The following CELF4 variants were observed in gnomAD, a reference collection of about 807,000 sequenced individuals.
CELF4 encodes the protein CUG-BP- and ETR-3-like factor 4.
A neutral mutation model predicts 59.9 loss-of-function variants in CELF4; 18 were observed. The ratio of observed to expected loss-of-function variants is 0.30; its 90% CI spans 0.21 to 0.45. CELF4 has a LOEUF of 0.45. Ranked by LOEUF, CELF4 falls within the 20% of genes least tolerant of loss-of-function variation. The pLI is 1.00. For synonymous variants in CELF4, 261 were observed against 267.1 expected (o/e 0.98, Z 0.22); for missense variants, 456 against 689.0 (o/e 0.66, Z 3.79).
intron 2 of CELF4, among the ~76,000 whole-genome samples, chr18:37,484,413 G>A (rs1452116552): frequency 6.6e-6 from 1 of 152,172 alleles, no homozygotes; most frequent in Non-Finnish European, 1.5e-5. Context: ...TGCCAGAGCT[G>A]GGCTTCACAC....
chr18:37,404,791 C>T (rs941389643), intron 2 of CELF4, among the ~76,000 whole-genome samples: 2 of 152,130 alleles, frequency 1.3e-5, no homozygotes, highest in African/African-American at 4.8e-5. Flanking sequence ...CTCAGAAAGC[C>T]CCTCCTTCTA....
chr18:37,271,981 A>G (rs1248457717), intron 7 of CELF4, among the ~76,000 whole-genome samples: 1 of 152,206 alleles, frequency 6.6e-6, no homozygotes, highest in East Asian at 1.9e-4. Flanking sequence ...GAGGTTGGCC[A>G]CTGCCTGGGC....
rs148000981 is a variant in CELF4 at position 37,433,496 on chromosome 18, G to A, written c.369+52029C>T. Among the ~76,000 whole-genome samples, 82 of 152,342 alleles carry A rather than the reference G, an allele frequency of 5.4e-4. 2 individuals carry two copies. The highest frequency in any genetic ancestry group is 1.9e-3 in the African/African-American group (79 of 41,572). On this transcript the variant is annotated intron_variant, in intron 2 of 12. Coordinates refer to ENST00000420428, the MANE Select transcript of CELF4 (RefSeq NM_020180.4). ...CTCTGCCTCTCTGTGCCCCTACGGT[G>A]TTCAGCACAGCACAGAGCACACGGT...
chr18:37,372,999 A>G (rs1198777990), intron 2 of CELF4, among the ~76,000 whole-genome samples: 1 of 152,090 alleles, frequency 6.6e-6, no homozygotes, highest in Non-Finnish European at 1.5e-5. Flanking sequence ...AACAACCGAC[A>G]CCCTTACACT....
Position 37,490,406 on chromosome 18 carries a change from G to A in CELF4, c.287-4799C>T, listed in dbSNP as rs570092475. On this transcript the variant is annotated intron_variant, in intron 1 of 12. Coordinates refer to ENST00000420428, the MANE Select transcript of CELF4 (RefSeq NM_020180.4). ...GAAAAAAAAAATCTTTACTAAAAGA[G>A]TAGGATGAAATGAAAAGGAGGTGGG... 3.9e-5 allele frequency among the ~76,000 whole-genome samples: 6 copies of A among 152,324 alleles called. No individual in the cohort carries two copies. In the South Asian group the frequency reaches 8.3e-4, roughly 21 times the overall value.
chr18:37,507,661 A>G (rs2099939595), intron 1 of CELF4, among the ~76,000 whole-genome samples: 1 of 152,214 alleles, frequency 6.6e-6, no homozygotes, highest in Non-Finnish European at 1.5e-5. Flanking sequence ...TAGAGAAGGC[A>G]GCTGTGAGAG....
At chr18:37,319,913 G>A (rs2097032531) in intron 3 of CELF4, among the ~76,000 whole-genome samples, 1 of 152,192 alleles carries the variant, frequency 6.6e-6, no homozygotes, top group Admixed American at 6.5e-5. Context: ...GAGGTGGAGG[G>A]CAGCTGCGAC....
intron 2 of CELF4, among the ~76,000 whole-genome samples, chr18:37,347,185 T>A (rs746493994): frequency 6.6e-6 from 1 of 152,028 alleles, no homozygotes; most frequent in African/African-American, 2.4e-5. Flanking sequence ...GAAGTCTGTC[T>A]GTAAACTTGA....
At chr18:37,412,860 G>A (rs772288334) in intron 2 of CELF4, among the ~76,000 whole-genome samples, 3 of 152,148 alleles carry the variant, frequency 2.0e-5, no homozygotes, top group South Asian at 2.1e-4. Context: ...CACTCCCCGC[G>A]CCAATGTGTG....
At chr18:37,493,274 CT>C (rs1792895893) in intron 1 of CELF4, among the ~76,000 whole-genome samples, 1 of 152,212 alleles carries the variant, frequency 6.6e-6, no homozygotes, top group African/African-American at 2.4e-5. Flanking sequence ...GTTTTCCTTC[CT>C]CCAGGAAGCC....
intron 2 of CELF4, among the ~76,000 whole-genome samples, chr18:37,427,037 C>CGGG (rs5741769): frequency 2.4e-5 from 3 of 123,220 alleles, no homozygotes; most frequent in African/African-American, 6.3e-5. Flanking sequence ...AGCAGGGACA[C>CGGG]GGGGGGGGGG....
intron 1 of CELF4, among the ~76,000 whole-genome samples, chr18:37,504,228 C>T (rs892128912): frequency 3.3e-5 from 5 of 152,106 alleles, no homozygotes; most frequent in Admixed American, 6.5e-5. Context: ...CAGTGGCTCA[C>T]GCCTGTAATC....
At chr18:37,444,550 A>T (rs746247715) in intron 2 of CELF4, among the ~76,000 whole-genome samples, 1 of 151,884 alleles carries the variant, frequency 6.6e-6, no homozygotes, top group Non-Finnish European at 1.5e-5. Flanking sequence ...CCAAGGTTAC[A>T]GCCGTAATAA....
intron 1 of CELF4, among the ~76,000 whole-genome samples, chr18:37,503,645 G>T (rs144308504): frequency 1.9e-4 from 29 of 152,330 alleles, no homozygotes; most frequent in Non-Finnish European, 3.1e-4. Flanking sequence ...TAAAAGGGGT[G>T]CTAGCACCAC....
At chr18:37,408,505 G>GGGT in intron 2 of CELF4, among the ~76,000 whole-genome samples, 1 of 15,352 alleles carries the variant, frequency 6.5e-5, no homozygotes, top group Non-Finnish European at 3.1e-4. Context: ...GGGGGGGCGC[G>GGGT]GTGCAGGAGG....
At chr18:37,485,683 TC>T in intron 1 of CELF4, 76 bp from the exon 2 acceptor site, 1 of 955,356 alleles carries the variant, frequency 1.0e-6, no homozygotes, top group Non-Finnish European at 1.4e-6. Context: ...CCGCCCGCCC[TC>T]CAGGCTCCCG....
At chr18:37,524,966 G>A (rs941712600) in intron 1 of CELF4, among the ~76,000 whole-genome samples, 1 of 152,246 alleles carries the variant, frequency 6.6e-6, no homozygotes, top group Non-Finnish European at 1.5e-5. Context: ...TCTCCCTGAA[G>A]CGTCTCGCCC....
chr18:37,327,829 G>C (rs193094314), intron 2 of CELF4, among the ~76,000 whole-genome samples: 29 of 152,278 alleles, frequency 1.9e-4, no homozygotes, highest in Admixed American at 1.8e-3. Flanking sequence ...CTCACCCAGT[G>C]CTGTCTCTGA....
intron 2 of CELF4, among the ~76,000 whole-genome samples, chr18:37,369,401 C>T (rs1252015463): frequency 6.6e-6 from 1 of 152,148 alleles, no homozygotes; most frequent in Non-Finnish European, 1.5e-5. Context: ...TTGGAGGAAC[C>T]TATGAGTGGC....
Sources: gnomAD v4.1 joint callset for allele counts (sites outside exome capture counted in the v4.1 genomes callset) on GRCh38, gnomAD v4.1.1 for gene constraint, MANE v1.5 for transcripts, NCBI Gene and HGNC (gene_info 2026-07-23, HGNC 2026-07-21) for gene names.